RBFOX1: variants seen among roughly 807,000 people sequenced by gnomAD.
RBFOX1 encodes the protein RNA binding fox-1 homolog 1.
RBFOX1 carries 8 observed loss-of-function variants against 57.7 expected under a neutral mutation model. The ratio of observed to expected loss-of-function variants is 0.14; its 90% CI spans 0.08 to 0.25. RBFOX1 has a LOEUF of 0.25. RBFOX1 is among the 10% of genes least tolerant of loss of function. The pLI, the probability that RBFOX1 is intolerant of heterozygous loss-of-function variation, is 1.00. For synonymous variants in RBFOX1, 326 were observed against 222.4 expected, an observed-to-expected ratio of 1.47 and a Z score of -4.15; for missense variants, 611 against 548.5, an observed-to-expected ratio of 1.11 and a Z score of -1.14.
intron 2 of RBFOX1, among the ~76,000 whole-genome samples, chr16:6,536,110 A>G (rs547860857): frequency 1.3e-5 from 2 of 152,326 alleles, no homozygotes; most frequent in East Asian, 3.9e-4. Context: ...AATGCTTAGT[A>G]AGTATTGATA....
chr16:7,446,323 T>C (rs2098807347), intron 4 of RBFOX1, among the ~76,000 whole-genome samples: 1 of 152,236 alleles, frequency 6.6e-6, no homozygotes, highest in Non-Finnish European at 1.5e-5. Flanking sequence ...GGAGTCACTT[T>C]ATCCATGTTG....
intron 14 of RBFOX1, among the ~76,000 whole-genome samples, chr16:7,692,034 C>T (rs932112530): frequency 6.6e-6 from 1 of 152,046 alleles, no homozygotes; most frequent in African/African-American, 2.4e-5. Flanking sequence ...AATATTCAAC[C>T]AAAATATCTC....
At chr16:5,762,019 C>T (rs961276817) in intron 3 of RBFOX1, among the ~76,000 whole-genome samples, 1 of 152,114 alleles carries the variant, frequency 6.6e-6, no homozygotes. Context: ...GGCAGGTGAA[C>T]TTCTCCGAGC....
intron 4 of RBFOX1, among the ~76,000 whole-genome samples, chr16:5,902,947 C>A (rs1361113064): frequency 6.6e-6 from 1 of 152,122 alleles, no homozygotes; most frequent in Non-Finnish European, 1.5e-5. Context: ...GCCCTTGTCT[C>A]TACTACAGTT....
intron 1 of RBFOX1, among the ~76,000 whole-genome samples, chr16:6,137,389 C>T (rs577450037): frequency 6.6e-6 from 1 of 152,124 alleles, no homozygotes; most frequent in African/African-American, 2.4e-5. Flanking sequence ...ACTGCAGCTG[C>T]CTTCTCCCAG....
At chr16:7,259,172 C>T (rs8053814) in intron 4 of RBFOX1, among the ~76,000 whole-genome samples, 6 of 152,124 alleles carry the variant, frequency 3.9e-5, no homozygotes, top group South Asian at 2.1e-4. Flanking sequence ...ATGACCTCTC[C>T]TCCACCATCA....
At chr16:6,609,660 T>G (rs1601430280) in intron 2 of RBFOX1, among the ~76,000 whole-genome samples, 1 of 152,186 alleles carries the variant, frequency 6.6e-6, no homozygotes, top group Non-Finnish European at 1.5e-5. Context: ...GTTAACCCTA[T>G]GTAAAGATTC....
At chr16:5,985,993 T>G (rs1452594462) in intron 4 of RBFOX1, among the ~76,000 whole-genome samples, 1 of 152,204 alleles carries the variant, frequency 6.6e-6, no homozygotes, top group Non-Finnish European at 1.5e-5. Context: ...ATTTATTTTA[T>G]AGAAACAATA....
chr16:7,447,518 A>G (rs1480392918), intron 4 of RBFOX1, among the ~76,000 whole-genome samples: 1 of 151,872 alleles, frequency 6.6e-6, no homozygotes, highest in Non-Finnish European at 1.5e-5. Context: ...ATAAAAACAC[A>G]TTGCCTGAAG....
intron 4 of RBFOX1, among the ~76,000 whole-genome samples, chr16:7,361,981 G>A (rs1299924011): frequency 6.6e-6 from 1 of 151,974 alleles, no homozygotes; most frequent in Admixed American, 6.6e-5. Context: ...ATGCCAGTGT[G>A]TGTATGTGTG....
chr16:7,412,931 A>C (rs1216905019), intron 4 of RBFOX1, among the ~76,000 whole-genome samples: 1 of 152,028 alleles, frequency 6.6e-6, no homozygotes, highest in Non-Finnish European at 1.5e-5. Flanking sequence ...AGTCCCAGCT[A>C]CTCGGGAGGC....
At chr16:6,300,635 T>C (rs2078703298) in intron 1 of RBFOX1, among the ~76,000 whole-genome samples, 1 of 152,226 alleles carries the variant, frequency 6.6e-6, no homozygotes, top group Non-Finnish European at 1.5e-5. Flanking sequence ...CTCAATATCT[T>C]TCCCACATTC....
At chr16:5,364,690 C>T (rs1427524896) in intron 1 of RBFOX1, among the ~76,000 whole-genome samples, 2 of 152,200 alleles carry the variant, frequency 1.3e-5, no homozygotes, top group Non-Finnish European at 2.9e-5. Context: ...ACCCTGGGTA[C>T]CTGCTTCTCT....
intron 4 of RBFOX1, among the ~76,000 whole-genome samples, chr16:7,158,343 C>G (rs768909227): frequency 6.6e-6 from 1 of 151,986 alleles, no homozygotes; most frequent in Non-Finnish European, 1.5e-5. Flanking sequence ...TGAACTCTGT[C>G]TCAAAAGAAA....
rs61011633 is a variant in RBFOX1 at position 5,738,635 on chromosome 16, G to GAA, written c.319-128649_319-128648dup. Among the ~76,000 whole-genome samples the GAA allele has an allele frequency of 6.7e-4, 41 of 61,138 alleles. 1 individual carries two copies. The highest frequency in any genetic ancestry group is 2.8e-3 in the Admixed American group (15 of 5,282). 40.1% of individuals were successfully genotyped at this position (61,138 alleles called of 152,430 possible). A position where few individuals can be genotyped will look rare whatever the true frequency, so the allele number is the denominator to read the frequency against. On this transcript the variant is annotated intron_variant, in intron 3 of 19. Coordinates refer to the RBFOX1 transcript ENST00000641259. ...GGCGACAGAGCAAGGCTCTGTCTCA[G>GAA]AAAAAAAAAAAAAAAAAAAAGGGAA...
chr16:6,072,541 C>A (rs2095849664), intron 1 of RBFOX1, among the ~76,000 whole-genome samples: 1 of 151,816 alleles, frequency 6.6e-6, no homozygotes, highest in African/African-American at 2.4e-5. Context: ...ACTCTTTTTC[C>A]ATAGTGGCTA....
chr16:5,433,834 C>T (rs1037898511), intron 1 of RBFOX1, among the ~76,000 whole-genome samples: 5 of 152,072 alleles, frequency 3.3e-5, no homozygotes, highest in Admixed American at 2.6e-4. Flanking sequence ...GCACAGTAAG[C>T]GCTCAATACA....
At chr16:6,156,592 C>T (rs539871622) in intron 1 of RBFOX1, among the ~76,000 whole-genome samples, 5 of 152,142 alleles carry the variant, frequency 3.3e-5, no homozygotes, top group East Asian at 1.9e-4. Context: ...AACAGTGAGA[C>T]GAGGTGGCCA....
chr16:5,394,345 AC>A (rs1318774790), intron 1 of RBFOX1, among the ~76,000 whole-genome samples: 1 of 152,120 alleles, frequency 6.6e-6, no homozygotes, highest in Non-Finnish European at 1.5e-5. Context: ...AACAATGTTT[AC>A]TGGAAAATTT....
Sources: allele counts gnomAD v4.1 joint callset (sites outside exome capture counted in the v4.1 genomes callset), GRCh38; gene constraint gnomAD v4.1.1; transcripts MANE v1.5; gene names NCBI Gene and HGNC (gene_info 2026-07-23, HGNC 2026-07-21).